KCNAB1: variants seen among roughly 807,000 people sequenced by gnomAD.
KCNAB1 encodes potassium voltage-gated channel subfamily A regulatory beta subunit 1.
KCNAB1 carries 35 observed loss-of-function variants against 64.6 expected under a neutral mutation model. The observed-to-expected ratio is 0.54, with a 90% CI of 0.41 to 0.72. The LOEUF (loss-of-function observed/expected upper bound fraction) is 0.72, where lower values mean the gene tolerates loss of function less well. Ranked by LOEUF, KCNAB1 falls within the 30% of genes least tolerant of loss-of-function variation. The pLI, the probability that KCNAB1 is intolerant of heterozygous loss-of-function variation, is 0.00. For missense variants in KCNAB1, 401 were observed against 512.9 expected (o/e 0.78, Z 2.11); for synonymous variants, 177 against 183.8 (o/e 0.96, Z 0.30).
intron 1 of KCNAB1, among the ~76,000 whole-genome samples, chr3:156,306,870 G>A (rs1189153094): frequency 1.3e-5 from 2 of 152,180 alleles, no homozygotes; most frequent in Non-Finnish European, 2.9e-5. Flanking sequence ...CCAATGATGG[G>A]CAGAATCATC....
intron 1 of KCNAB1, among the ~76,000 whole-genome samples, chr3:156,317,081 TTGG>T (rs1722323396): frequency 6.6e-6 from 1 of 152,152 alleles, no homozygotes. Context: ...CCATTAATAT[TTGG>T]TGGTGTTTTT....
chr3:156,210,252 G>A (rs1323699727), intron 1 of KCNAB1, among the ~76,000 whole-genome samples: 2 of 152,048 alleles, frequency 1.3e-5, no homozygotes, highest in African/African-American at 4.8e-5. Flanking sequence ...TATGGAGCAG[G>A]GCCTCCATTT....
At chr3:156,340,958 GGTGA>G (rs1456616623) in intron 1 of KCNAB1, among the ~76,000 whole-genome samples, 1 of 152,086 alleles carries the variant, frequency 6.6e-6, no homozygotes, top group Non-Finnish European at 1.5e-5. Flanking sequence ...CCAAAATTAA[GGTGA>G]GTAATTAGAG....
At chr3:156,299,070 C>T (rs1261173407) in intron 1 of KCNAB1, among the ~76,000 whole-genome samples, 1 of 152,172 alleles carries the variant, frequency 6.6e-6, no homozygotes, top group East Asian at 1.9e-4. Context: ...CCAGTTAGTT[C>T]CTTGGTCAGA....
chr3:156,371,507 G>A (rs922181784), intron 1 of KCNAB1, among the ~76,000 whole-genome samples: 7 of 152,176 alleles, frequency 4.6e-5, no homozygotes, highest in African/African-American at 1.7e-4. Flanking sequence ...TGCTGATATC[G>A]TTTTTTCACT....
Position 156,461,404 on chromosome 3 carries a change from C to G in KCNAB1, c.482+1533C>G, listed in dbSNP as rs562346597. Among the ~76,000 whole-genome samples, 5 of 152,324 alleles carry G rather than the reference C, an allele frequency of 3.3e-5. 1 individual carries two copies. In the South Asian group the frequency reaches 1.0e-3, roughly 32 times the overall value. ...CTGCAGCTGCAGCACTTTAACTCTT[C>G]TCTCATGTGTCTAAGTGTCTTCTGA... On this transcript the variant is annotated intron_variant, in intron 5 of 13. Transcript: ENST00000490337.
chr3:156,354,287 C>T (rs539153334), intron 1 of KCNAB1, among the ~76,000 whole-genome samples: 18 of 151,340 alleles, frequency 1.2e-4, no homozygotes, highest in Admixed American at 7.2e-4. Flanking sequence ...CTCTGCCTCC[C>T]GAGCAGCTGG....
intron 1 of KCNAB1, among the ~76,000 whole-genome samples, chr3:156,168,530 G>A (rs1320236825): frequency 1.3e-5 from 2 of 152,152 alleles, no homozygotes; most frequent in East Asian, 3.9e-4. Flanking sequence ...ACAGAGTCTT[G>A]CACAGTACCT....
chr3:156,523,185 T>C (rs1718070170), intron 11 of KCNAB1, among the ~76,000 whole-genome samples: 1 of 152,234 alleles, frequency 6.6e-6, no homozygotes, highest in African/African-American at 2.4e-5. Context: ...TCAATAGTTA[T>C]ACAATAGGTA....
At chr3:156,151,231 T>G (rs1715390141) in intron 1 of KCNAB1, among the ~76,000 whole-genome samples, 1 of 152,216 alleles carries the variant, frequency 6.6e-6, no homozygotes, top group African/African-American at 2.4e-5. Flanking sequence ...CCCTCCTCTG[T>G]ACCCACTGTT....
chr3:156,161,264 TC>T (rs996272572), intron 1 of KCNAB1, among the ~76,000 whole-genome samples: 58 of 152,208 alleles, frequency 3.8e-4, no homozygotes, highest in African/African-American at 1.3e-3. Context: ...GCTCACCAAA[TC>T]CTGTGGATCA....
At position 156,287,347 on chromosome 3, in the gene KCNAB1, A is replaced by G. The variant is rs1388306937; in HGVS notation, c.276-134269A>G. ...CCCCGTGCAATGTTGCAACCTCCGT[A>G]TCAAAAAAAAAAAAAAAAAAACTAC... On this transcript the variant is annotated intron_variant, in intron 1 of 13. Coordinates refer to ENST00000490337, the MANE Select transcript of KCNAB1 (RefSeq NM_172160.3). 3.6e-5 allele frequency among the ~76,000 whole-genome samples: 5 copies of G among 140,104 alleles called. No homozygotes were observed. The East Asian group carries it at 1.0e-3, about 29-fold the overall frequency. 91.9% of individuals were successfully genotyped at this position (140,104 alleles called of 152,430 possible). A position where few individuals can be genotyped will look rare whatever the true frequency, so the allele number is the denominator to read the frequency against.
chr3:156,327,258 C>T (rs920330546), intron 1 of KCNAB1, among the ~76,000 whole-genome samples: 36 of 152,058 alleles, frequency 2.4e-4, no homozygotes, highest in African/African-American at 8.0e-4. Flanking sequence ...TTAATCTGCC[C>T]GAAATAGACA....
chr3:156,494,425 T>G (rs1186558253), intron 8 of KCNAB1, among the ~76,000 whole-genome samples: 2 of 152,126 alleles, frequency 1.3e-5, no homozygotes, highest in Admixed American at 6.5e-5. Flanking sequence ...TAGTTAAATT[T>G]AAACACCCTC....
chr3:156,273,293 A>G (rs1719145002), intron 1 of KCNAB1, among the ~76,000 whole-genome samples: 1 of 152,200 alleles, frequency 6.6e-6, no homozygotes, highest in African/African-American at 2.4e-5. Flanking sequence ...AGACTTGCCT[A>G]GGAACTGCAG....
intron 1 of KCNAB1, among the ~76,000 whole-genome samples, chr3:156,139,584 GTTTTT>G (rs386398329): frequency 8.1e-4 from 45 of 55,260 alleles, no homozygotes; most frequent in Middle Eastern, 0.021. Context: ...ATTGTACTGT[GTTTTT>G]TTTTTTTTTT....
At chr3:156,530,329 C>T (rs1214033723) in intron 12 of KCNAB1, among the ~76,000 whole-genome samples, 1 of 152,086 alleles carries the variant, frequency 6.6e-6, no homozygotes, top group Non-Finnish European at 1.5e-5. Flanking sequence ...GATGTGGATG[C>T]TTATGCAGCA....
intron 1 of KCNAB1, among the ~76,000 whole-genome samples, chr3:156,145,114 G>T (rs896869792): frequency 2.0e-5 from 3 of 152,140 alleles, no homozygotes; most frequent in Non-Finnish European, 4.4e-5. Flanking sequence ...GGTGGGGAAG[G>T]CTCTGTTACC....
At chr3:156,275,407 G>C (rs1240430591) in intron 1 of KCNAB1, among the ~76,000 whole-genome samples, 1 of 152,206 alleles carries the variant, frequency 6.6e-6, no homozygotes, top group East Asian at 1.9e-4. Context: ...AATGGTGGTT[G>C]CTGAAGGATG....
Sources: allele counts gnomAD v4.1 joint callset (sites outside exome capture counted in the v4.1 genomes callset), GRCh38; gene constraint gnomAD v4.1.1; transcripts MANE v1.5; gene names NCBI Gene and HGNC (gene_info 2026-07-23, HGNC 2026-07-21).